Variants in CELF4 observed in about 807,000 individuals in gnomAD.
The protein encoded by CELF4 is CUGBP Elav-like family member 4, also known as CUG-BP- and ETR-3-like factor 4.
Under a neutral mutation model 59.9 loss-of-function variants are expected in CELF4, and 18 were observed. The ratio of observed to expected loss-of-function variants is 0.30; its 90% CI spans 0.21 to 0.45. CELF4 has a LOEUF of 0.45. CELF4 is among the 20% of genes least tolerant of loss of function. The pLI is 1.00. For synonymous variants in CELF4, 261 were observed against 267.1 expected (o/e 0.98, Z 0.22); for missense variants, 456 against 689.0 (o/e 0.66, Z 3.79).
chr18:37,279,443 A>G (rs1050136462), intron 3 of CELF4, among the ~76,000 whole-genome samples: 3 of 152,178 alleles, frequency 2.0e-5, no homozygotes, highest in Admixed American at 2.0e-4. Context: ...GAAAGTGAGC[A>G]CAACAAAATC....
intron 1 of CELF4, among the ~76,000 whole-genome samples, chr18:37,527,239 T>C (rs2055832999): frequency 6.6e-6 from 1 of 151,694 alleles, no homozygotes. Context: ...GATATCAACT[T>C]AGCCACCATA....
At chr18:37,531,937 T>C (rs1313080570) in intron 1 of CELF4, among the ~76,000 whole-genome samples, 1 of 152,200 alleles carries the variant, frequency 6.6e-6, no homozygotes, top group Non-Finnish European at 1.5e-5. Flanking sequence ...TCTCAATCTC[T>C]GGTCTGTTAA....
chr18:37,382,276 G>A (rs971205102), intron 2 of CELF4, among the ~76,000 whole-genome samples: 2 of 152,220 alleles, frequency 1.3e-5, no homozygotes, highest in African/African-American at 4.8e-5. Flanking sequence ...GCTGGCATCA[G>A]CAGTCAGCAT....
At chr18:37,307,323 C>T (rs1451662138) in intron 3 of CELF4, among the ~76,000 whole-genome samples, 1 of 152,150 alleles carries the variant, frequency 6.6e-6, no homozygotes, top group Non-Finnish European at 1.5e-5. Context: ...ATGAATGGAG[C>T]CTGTGTCACT....
chr18:37,379,538 T>G (rs1469344469), intron 2 of CELF4, among the ~76,000 whole-genome samples: 1 of 118,450 alleles, frequency 8.4e-6, no homozygotes, highest in Non-Finnish European at 1.7e-5. Context: ...AAAAAGGTAC[T>G]ATCCTTTGCT....
intron 1 of CELF4, among the ~76,000 whole-genome samples, chr18:37,532,207 G>A (rs1442838255): frequency 6.6e-6 from 1 of 152,202 alleles, no homozygotes; most frequent in Non-Finnish European, 1.5e-5. Context: ...CATTCATCAA[G>A]GCCAAGATCG....
intron 2 of CELF4, among the ~76,000 whole-genome samples, chr18:37,360,627 G>T (rs1187853629): frequency 6.6e-6 from 1 of 152,244 alleles, no homozygotes; most frequent in Non-Finnish European, 1.5e-5. Flanking sequence ...CTCAGAGCCT[G>T]TCTGGAGGCA....
At chr18:37,326,270 T>C (rs2097307534) in intron 2 of CELF4, among the ~76,000 whole-genome samples, 2 of 152,016 alleles carry the variant, frequency 1.3e-5, no homozygotes, top group Non-Finnish European at 2.9e-5. Context: ...AGGAGTGAGA[T>C]CAGGAGGAAG....
chr18:37,525,106 T>G (rs544506635), intron 1 of CELF4, among the ~76,000 whole-genome samples: 13 of 152,254 alleles, frequency 8.5e-5, no homozygotes, highest in Admixed American at 2.6e-4. Context: ...GCCTCCCCCT[T>G]TCTTCCCTTC....
chr18:37,532,006 C>A (rs960047735), intron 1 of CELF4, among the ~76,000 whole-genome samples: 2 of 152,230 alleles, frequency 1.3e-5, no homozygotes, highest in Non-Finnish European at 2.9e-5. Flanking sequence ...TCGCCTATGG[C>A]GCACATTACT....
chr18:37,451,636 G>C (rs529026495), intron 2 of CELF4, among the ~76,000 whole-genome samples: 60 of 152,172 alleles, frequency 3.9e-4, no homozygotes, highest in Admixed American at 1.4e-3. Flanking sequence ...CCACACAGTA[G>C]CTAGCGCGTG....
chr18:37,437,992 CA>C, intron 2 of CELF4, among the ~76,000 whole-genome samples: 1 of 152,166 alleles, frequency 6.6e-6, no homozygotes, highest in African/African-American at 2.4e-5. Context: ...AGAAAGAGAC[CA>C]GAGCTCAGTC....
rs147556945 is a variant in CELF4, at chr18:37,412,528, G to A, written c.369+72997C>T. ...TGGATGGATGGATGCATGCATGCAT[G>A]TGTGTATGGATGGGTGGGTGCATGG... On this transcript the variant is annotated intron_variant, in intron 2 of 12. Coordinates refer to ENST00000420428, the MANE Select transcript of CELF4 (RefSeq NM_020180.4). 5.6e-3 allele frequency among the ~76,000 whole-genome samples: 857 copies of A among 152,230 alleles called. 4 individuals carry two copies. The highest frequency in any genetic ancestry group is 0.02 in the African/African-American group (810 of 41,532).
intron 2 of CELF4, among the ~76,000 whole-genome samples, chr18:37,345,908 C>G (rs2098238952): frequency 6.6e-6 from 1 of 152,182 alleles, no homozygotes; most frequent in South Asian, 2.1e-4. Context: ...TGAATGGGCT[C>G]TGAGGCTCCC....
chr18:37,394,889 T>C (rs9947950), intron 2 of CELF4, among the ~76,000 whole-genome samples: 131,137 of 151,264 alleles, frequency 0.87, 57,020 homozygotes, highest in East Asian at 0.93. Flanking sequence ...ACTCCCTCCC[T>C]GGCAGGCCTG....
intron 1 of CELF4, among the ~76,000 whole-genome samples, chr18:37,492,588 T>G (rs1219791969): frequency 6.6e-6 from 1 of 152,128 alleles, no homozygotes; most frequent in African/African-American, 2.4e-5. Context: ...AAGCAGATGT[T>G]CTGCTGCCAC....
In CELF4 at chr18:37,427,037, C is replaced by T. The variant is rs868779834; in HGVS notation, c.369+58488G>A. Reference sequence around the variant, plus strand: ...GCGGGTGCTGGCAGCAGCAGGGACACGGGGGGGGGGGAAGCTGGGCACCCT... The same window carrying T: ...GCGGGTGCTGGCAGCAGCAGGGACATGGGGGGGGGGGAAGCTGGGCACCCT... On this transcript the variant is annotated intron_variant, in intron 2 of 12. Coordinates refer to ENST00000420428, the MANE Select transcript of CELF4 (RefSeq NM_020180.4). Among the ~76,000 whole-genome samples the T allele has an allele frequency of 5.2e-3, 641 of 123,240 alleles. 9 individuals carry two copies. Among genetic ancestry groups the T allele is most frequent in the African/African-American group, 0.02 (618 of 31,646 alleles). 80.9% of individuals were successfully genotyped at this position (123,240 alleles called of 152,430 possible).
intron 2 of CELF4, among the ~76,000 whole-genome samples, chr18:37,395,610 A>G (rs575841764): frequency 3.9e-5 from 6 of 152,266 alleles, no homozygotes; most frequent in Admixed American, 2.6e-4. Flanking sequence ...GGTGGATGCT[A>G]GGGTCCCCAT....
At chr18:37,360,860 G>A (rs1458901642) in intron 2 of CELF4, among the ~76,000 whole-genome samples, 2 of 152,212 alleles carry the variant, frequency 1.3e-5, no homozygotes, top group East Asian at 1.9e-4. Flanking sequence ...ATGTGATTGC[G>A]ACAAAATCCC....
Sources: gnomAD v4.1 joint callset for allele counts (sites outside exome capture counted in the v4.1 genomes callset) on GRCh38, gnomAD v4.1.1 for gene constraint, MANE v1.5 for transcripts, NCBI Gene and HGNC (gene_info 2026-07-23, HGNC 2026-07-21) for gene names.